ZNF385D: variants seen among roughly 807,000 people sequenced by gnomAD.
The protein encoded by ZNF385D is zinc finger protein 385D, also known as zinc finger protein 659.
ZNF385D carries 15 observed loss-of-function variants against 35.8 expected under a neutral mutation model. The ratio of observed to expected loss-of-function variants is 0.42; its 90% CI spans 0.28 to 0.64. The LOEUF (loss-of-function observed/expected upper bound fraction) is 0.64, where lower values mean the gene tolerates loss of function less well. Among genes scored for constraint, ZNF385D ranks in the 30% least tolerant of loss-of-function variants. The pLI is 0.23. For synonymous variants in ZNF385D, 212 were observed against 186.8 expected (o/e 1.13, Z -1.10); for missense variants, 474 against 494.6 (o/e 0.96, Z 0.39).
chr3:21,491,383 T>C (rs1376259680), intron 4 of ZNF385D, among the ~76,000 whole-genome samples: 1 of 152,072 alleles, frequency 6.6e-6, no homozygotes, highest in Non-Finnish European at 1.5e-5. Context: ...TTGAGATGAC[T>C]CTACACAAAC....
At chr3:22,177,370 G>T (rs1036275064) in intron 2 of ZNF385D, among the ~76,000 whole-genome samples, 5 of 152,148 alleles carry the variant, frequency 3.3e-5, no homozygotes, top group African/African-American at 4.8e-5. Flanking sequence ...GAGAATGATT[G>T]TTCTTATGTA....
intron 4 of ZNF385D, among the ~76,000 whole-genome samples, chr3:21,472,071 C>A (rs1044085274): frequency 6.6e-6 from 1 of 152,036 alleles, no homozygotes; most frequent in Non-Finnish European, 1.5e-5. Context: ...TTTTATGTTA[C>A]GCTCGTCAAT....
chr3:21,860,447 T>C (rs1467176810), intron 3 of ZNF385D, among the ~76,000 whole-genome samples: 1 of 150,570 alleles, frequency 6.6e-6, no homozygotes, highest in Non-Finnish European at 1.5e-5. Flanking sequence ...AGTTAAATAC[T>C]TAAAAACTCA....
intron 2 of ZNF385D, among the ~76,000 whole-genome samples, chr3:21,648,179 T>G (rs1352706786): frequency 6.6e-6 from 1 of 152,144 alleles, no homozygotes. Flanking sequence ...GATTGGATCA[T>G]GAGGGGCGGG....
At chr3:21,972,800 A>G (rs547917134) in intron 3 of ZNF385D, among the ~76,000 whole-genome samples, 1 of 152,064 alleles carries the variant, frequency 6.6e-6, no homozygotes, top group South Asian at 2.1e-4. Flanking sequence ...CTGAGCAACT[A>G]TATGCCAATA....
At chr3:22,215,486 T>A (rs994325695) in intron 2 of ZNF385D, among the ~76,000 whole-genome samples, 1 of 151,964 alleles carries the variant, frequency 6.6e-6, no homozygotes. Context: ...GCTGTAAGGA[T>A]GAAATAAGCC....
intron 3 of ZNF385D, among the ~76,000 whole-genome samples, chr3:21,869,959 G>A (rs535830571): frequency 6.6e-6 from 1 of 152,094 alleles, no homozygotes; most frequent in South Asian, 2.1e-4. Flanking sequence ...GGTTTTTTAA[G>A]TAGATAAAAC....
At position 21,417,863 on chromosome 3, in the gene ZNF385D, A is replaced by C. The variant is rs529372497; in HGVS notation, c.*3351T>G. 3 of 152,318 alleles carry C rather than the reference A, an allele frequency of 2.0e-5. No individual in the cohort carries two copies. In the East Asian group the frequency reaches 5.8e-4, roughly 29 times the overall value. The allele number at this position is 152,318 out of a possible 1,614,324, so 9.4% of individuals were successfully genotyped here. The stretch of plus-strand genomic sequence containing the variant: ...ATGATAATGGCAGTGAATTACTGCG[A>C]TAGATCAGGAGAAGCCAAATAGTAC... On this transcript the variant is annotated 3_prime_UTR_variant, in exon 8 of 8. Transcript: ENST00000281523.
At chr3:21,548,510 C>A (rs1222562075) in intron 3 of ZNF385D, among the ~76,000 whole-genome samples, 1 of 152,176 alleles carries the variant, frequency 6.6e-6, no homozygotes, top group East Asian at 1.9e-4. Context: ...CAGTTTTACC[C>A]ATGCTTAATC....
chr3:22,041,252 T>G (rs1169311117), intron 3 of ZNF385D, among the ~76,000 whole-genome samples: 1 of 152,102 alleles, frequency 6.6e-6, no homozygotes, highest in Non-Finnish European at 1.5e-5. Context: ...TGCATATCAT[T>G]AGCTCTGAAA....
intron 3 of ZNF385D, among the ~76,000 whole-genome samples, chr3:21,856,161 T>C (rs1348437146): frequency 6.6e-6 from 1 of 152,082 alleles, no homozygotes; most frequent in African/African-American, 2.4e-5. Context: ...ATTTTTCACA[T>C]GAGGTATTTT....
intron 2 of ZNF385D, among the ~76,000 whole-genome samples, chr3:22,244,433 A>G (rs1699667780): frequency 6.7e-6 from 1 of 149,396 alleles, no homozygotes; most frequent in Non-Finnish European, 1.5e-5. Flanking sequence ...AATATCAAGT[A>G]TATTCTTATC....
At chr3:21,681,687 T>TTTAAAAAAACGAAAAAAAAAAAAAAAAAA (rs2066912742) in intron 1 of ZNF385D, among the ~76,000 whole-genome samples, 1 of 41,812 alleles carries the variant, frequency 2.4e-5, no homozygotes, top group African/African-American at 7.9e-5. Flanking sequence ...CTAAGAATGA[T>TTTAAAAAAACGAAAAAAAAAAAAAAAAAA]AAAAAAAAAC....
intron 1 of ZNF385D, among the ~76,000 whole-genome samples, chr3:21,705,712 T>A (rs1222322606): frequency 1.3e-5 from 2 of 152,230 alleles, no homozygotes; most frequent in African/African-American, 4.8e-5. Context: ...ACCTTCTCTG[T>A]GTTCCATTGC....
intron 3 of ZNF385D, among the ~76,000 whole-genome samples, chr3:22,167,720 G>A (rs1377008991): frequency 5.9e-5 from 9 of 152,186 alleles, no homozygotes. Flanking sequence ...ATCAAGAAAT[G>A]TCCTGTGTCA....
At chr3:22,299,743 G>C (rs1702794355) in intron 2 of ZNF385D, among the ~76,000 whole-genome samples, 1 of 151,592 alleles carries the variant, frequency 6.6e-6, no homozygotes, top group Admixed American at 6.6e-5. Context: ...AAATTCTTAG[G>C]AATAAATTTA....
At chr3:22,045,018 A>C (rs1198416093) in intron 3 of ZNF385D, among the ~76,000 whole-genome samples, 1 of 152,106 alleles carries the variant, frequency 6.6e-6, no homozygotes, top group Non-Finnish European at 1.5e-5. Flanking sequence ...AATCTCGAAA[A>C]AACAAAAATG....
intron 2 of ZNF385D, among the ~76,000 whole-genome samples, chr3:22,177,589 T>A (rs1445578496): frequency 1.3e-5 from 2 of 152,176 alleles, no homozygotes; most frequent in African/African-American, 2.4e-5. Flanking sequence ...ATGACTTTTT[T>A]TTATTATTAT....
chr3:22,053,368 C>T lies in ZNF385D; in HGVS notation c.325+115449G>A, dbSNP rs866535209. 3.1e-4 allele frequency among the ~76,000 whole-genome samples: 11 copies of T among 35,588 alleles called. 2 individuals carry two copies. The highest frequency in any genetic ancestry group is 0.014 in the Middle Eastern group (1 of 72). The allele number at this position is 35,588 out of a possible 152,430, so 23.3% of individuals were successfully genotyped here. ...GAAAGGATCAACAAAATTGATAGAC[C>T]GCTAGCAAGACTAATAAAGAAAAAA... On this transcript the variant is annotated intron_variant, in intron 3 of 5. Coordinates refer to the ZNF385D transcript ENST00000494108.
Sources: gnomAD v4.1 joint callset for allele counts (sites outside exome capture counted in the v4.1 genomes callset) on GRCh38, gnomAD v4.1.1 for gene constraint, MANE v1.5 for transcripts, NCBI Gene and HGNC (gene_info 2026-07-23, HGNC 2026-07-21) for gene names.